RPRD2: variants seen among roughly 807,000 people sequenced by gnomAD.
RPRD2 encodes regulation of nuclear pre-mRNA domain-containing protein 2.
In RPRD2, 12 loss-of-function variants were observed where a neutral mutation model predicts 104.4. That is an observed-to-expected ratio of 0.11 (90% CI 0.07 to 0.19). The LOEUF is 0.19. Among genes scored for constraint, RPRD2 ranks in the 10% least tolerant of loss-of-function variants. The pLI is 1.00. For synonymous variants in RPRD2, 714 were observed against 684.9 expected (o/e 1.04, Z -0.66); for missense variants, 1,543 against 1,790.1 (o/e 0.86, Z 2.49).
intron 9 of RPRD2, among the ~76,000 whole-genome samples, 154 bp downstream of exon 9, chr1:150,460,471 T>G (rs940876619): frequency 1.6e-4 from 24 of 152,122 alleles, no homozygotes; most frequent in African/African-American, 5.6e-4. Flanking sequence ...TGGTGCAATC[T>G]TGGCTCACTG....
In RPRD2 at chr1:150,471,724, G is replaced by T; in HGVS notation, c.2776G>T (p.Asp926Tyr). ...FSVRGNEPGS[D>Y]RSPSPSKNDS... ...CGTAAGAGGGAATGAACCTGGGTCT[G>T]ACCGGTCACCATCACCGAGTAAGAA... is the stretch of plus-strand genomic sequence containing the variant. Residue 926 changes from aspartate (D) to tyrosine (Y), a missense_variant, in exon 11 of 11, where the codon GAC becomes TAC. Physicochemically the swap from Asp to Tyr is radical, Grantham distance 160. Transcript: ENST00000369068. This position sits in a 1 kb window ranked among gnomAD's most constrained non-coding sequence, Gnocchi z 5.3. The T allele has an allele frequency of 1.2e-6, 2 of 1,613,906 alleles. No individual in the cohort carries two copies. The highest frequency in any genetic ancestry group is 2.2e-5 in the South Asian group (2 of 91,062).
chr1:150,371,002 C>T (rs1553878232), intron 1 of RPRD2, among the ~76,000 whole-genome samples: 2 of 152,176 alleles, frequency 1.3e-5, no homozygotes, highest in African/African-American at 4.8e-5. Context: ...CTTCACTTTA[C>T]CTCCTCTCCC....
chr1:150,367,287 A>G (rs994845549), intron 1 of RPRD2, among the ~76,000 whole-genome samples: 17 of 152,236 alleles, frequency 1.1e-4, no homozygotes, highest in Non-Finnish European at 1.5e-5. Flanking sequence ...GTGGGGCGCA[A>G]TGAAAACAGT....
chr1:150,386,889 TTATGA>T (rs1386535637), intron 1 of RPRD2, among the ~76,000 whole-genome samples: 13 of 152,218 alleles, frequency 8.5e-5, no homozygotes, highest in African/African-American at 2.4e-4. Flanking sequence ...TTTTATTCAG[TTATGA>T]TATAATACTG....
At chr1:150,466,562 A>AAT (rs1560226934) in intron 10 of RPRD2, among the ~76,000 whole-genome samples, 3 of 148,300 alleles carry the variant, frequency 2.0e-5, no homozygotes, top group Admixed American at 6.7e-5. Context: ...AAAAAAAAAA[A>AAT]TTTCTGAGAC....
chr1:150,439,627 CT>C (rs66814229), intron 2 of RPRD2, among the ~76,000 whole-genome samples: 1,971 of 142,212 alleles, frequency 0.014, 29 homozygotes, highest in African/African-American at 0.045. Context: ...TTTGACATAG[CT>C]TTTTTTTTTT....
rs1342797947 is a variant in RPRD2 at position 150,471,566 on chromosome 1, T to C, written c.2618T>C (p.Leu873Pro). Residue 873 changes from leucine (L) to proline (P), a missense_variant, in exon 11 of 11, where the codon CTG becomes CCG. This residue lies in a region of RPRD2 where 880 missense variants were observed against 885.6 expected (regional missense o/e 0.99). Coordinates refer to ENST00000369068, the MANE Select transcript of RPRD2 (RefSeq NM_015203.5). The surrounding 1 kb of genome is among the most constrained non-coding windows in gnomAD (Gnocchi z 5.3). Reference sequence around the variant, plus strand: ...GATACCACCGAGTACCAGCCAATTCTGTCCAGTTATAGCCACAGAGCCCAA... The same window carrying C: ...GATACCACCGAGTACCAGCCAATTCCGTCCAGTTATAGCCACAGAGCCCAA... Reference protein sequence around the residue: ...LSDTTEYQPILSSYSHRAQEF... With the variant: ...LSDTTEYQPIPSSYSHRAQEF... The C allele has an allele frequency of 1.2e-6, 2 of 1,613,866 alleles. No homozygotes were observed. Among genetic ancestry groups the C allele is most frequent in the Non-Finnish European group, 8.5e-7 (1 of 1,179,862 alleles).
chr1:150,439,582 A>T (rs1666269651), intron 2 of RPRD2, among the ~76,000 whole-genome samples: 1 of 150,606 alleles, frequency 6.6e-6, no homozygotes, highest in Admixed American at 6.6e-5. Flanking sequence ...GATGTTATGG[A>T]TTCATAGGCT....
intron 1 of RPRD2, among the ~76,000 whole-genome samples, chr1:150,366,793 A>C (rs150126338): frequency 0.014 from 2,114 of 152,278 alleles, 54 homozygotes; most frequent in African/African-American, 0.048. Context: ...TCTCCACCCT[A>C]TTTTAAAACA....
At chr1:150,377,552 CG>C (rs1211549572) in intron 1 of RPRD2, among the ~76,000 whole-genome samples, 1 of 148,740 alleles carries the variant, frequency 6.7e-6, no homozygotes, top group Non-Finnish European at 1.5e-5. Flanking sequence ...GAGCCGAGAT[CG>C]TACCACTGCA....
chr1:150,370,869 C>T (rs1560142626), intron 1 of RPRD2, among the ~76,000 whole-genome samples: 1 of 152,184 alleles, frequency 6.6e-6, no homozygotes, highest in Non-Finnish European at 1.5e-5. Flanking sequence ...AGCCACCGCA[C>T]TCTTCTTAGC....
At position 150,472,007 on chromosome 1, in the gene RPRD2, C is replaced by T. The variant is rs1229819019; in HGVS notation, c.3059C>T (p.Pro1020Leu). The T allele has an allele frequency of 2.5e-6, 4 of 1,613,878 alleles. No homozygotes were observed. Among genetic ancestry groups the T allele is most frequent in the South Asian group, 1.1e-5 (1 of 91,078 alleles). ...KNMLKNASRK[P>L]SDDKHFGQAP... is the part of the protein sequence containing the mutation. ...ATGCTTAAAAACGCCTCACGTAAGC[C>T]CTCAGATGATAAGCATTTTGGCCAG... The change falls in exon 11 of 11, where the codon CCC (proline) becomes CTC (leucine). Residue 1020 changes from proline (P) to leucine (L), a missense_variant. Physicochemically the swap from Pro to Leu is moderately conservative, Grantham distance 98. Around this residue, in one of 4 missense-constraint regions of RPRD2, gnomAD observed 880 missense variants for 885.6 expected, o/e 0.99. Coordinates refer to ENST00000369068, the MANE Select transcript of RPRD2 (RefSeq NM_015203.5).
chr1:150,391,953 T>C (rs1662106694), intron 1 of RPRD2, among the ~76,000 whole-genome samples: 1 of 151,400 alleles, frequency 6.6e-6, no homozygotes, highest in Admixed American at 6.6e-5. Context: ...CTGTTCGGTA[T>C]TGTAGTTCAA....
rs782702006 is a variant in RPRD2, at chr1:150,443,240, A to G, written c.524A>G (p.Asn175Ser). 5 of 1,577,112 alleles carry G rather than the reference A, an allele frequency of 3.2e-6. No homozygotes were observed. The South Asian group carries it at 5.8e-5, about 18-fold the overall frequency. The stretch of plus-strand genomic sequence containing the variant: ...TGTTTAATTCCAACAGCATCTACAA[A>G]TCCAAAAGCTGCTCTCAAGTCTAAG... Reference protein sequence around the residue: ...KQWKKSQTSTNPKAALKSKIV... With the variant: ...KQWKKSQTSTSPKAALKSKIV... The change falls in exon 5 of 11, where the codon AAT becomes AGT. Residue 175 changes from asparagine (N) to serine (S), a missense_variant. By Grantham distance (46) the Asn-to-Ser change is conservative (BLOSUM62 1). Coordinates refer to ENST00000369068, the MANE Select transcript of RPRD2 (RefSeq NM_015203.5).
chr1:150,367,762 G>A (rs1010950311), intron 1 of RPRD2, among the ~76,000 whole-genome samples: 16 of 149,752 alleles, frequency 1.1e-4, no homozygotes, highest in African/African-American at 2.2e-4. Context: ...TCGCTCTGTC[G>A]TCCAGACTGG....
intron 10 of RPRD2, among the ~76,000 whole-genome samples, chr1:150,469,570 C>T (rs1313844722): frequency 6.6e-6 from 1 of 152,170 alleles, no homozygotes; most frequent in Non-Finnish European, 1.5e-5. Context: ...AGCCACCGTG[C>T]CCAGCCAAAA....
intron 2 of RPRD2, among the ~76,000 whole-genome samples, chr1:150,433,429 C>CAG (rs1553892344): frequency 7.0e-6 from 1 of 142,686 alleles, no homozygotes; most frequent in Non-Finnish European, 1.5e-5. Context: ...CACACACACA[C>CAG]ACAGACATAA....
In RPRD2 at chr1:150,443,191, G is replaced by T. The variant is rs1379176177; in HGVS notation, c.515-40G>T. The T allele has an allele frequency of 2.6e-6, 4 of 1,510,884 alleles. No homozygotes were observed. In the African/African-American group the frequency reaches 4.2e-5, roughly 16 times the overall value. The allele number at this position is 1,510,884 out of a possible 1,614,324, so 93.6% of individuals were successfully genotyped here. On this transcript the variant is annotated intron_variant, in intron 4 of 10. Transcript: ENST00000369068. Reference sequence around the variant, plus strand: ...AATTTTTCCTGTTAGTCAACTTTTTGTGTCTGTATTCTTAATGACCTTTTG... The same window carrying T: ...AATTTTTCCTGTTAGTCAACTTTTTTTGTCTGTATTCTTAATGACCTTTTG...
intron 1 of RPRD2, among the ~76,000 whole-genome samples, chr1:150,394,161 C>CT (rs1454051087): frequency 5.3e-5 from 8 of 152,130 alleles, no homozygotes; most frequent in Non-Finnish European, 1.0e-4. Flanking sequence ...AGCGATTCTC[C>CT]TGACTCAGCC....
Sources: allele counts gnomAD v4.1 joint callset (sites outside exome capture counted in the v4.1 genomes callset), GRCh38; gene constraint gnomAD v4.1.1; regional missense constraint gnomAD v4.1.1; non-coding constraint Gnocchi (gnomAD v3.1); transcripts MANE v1.5; gene names NCBI Gene and HGNC (gene_info 2026-07-23, HGNC 2026-07-21).